LTBP1: variants seen among roughly 807,000 people sequenced by gnomAD.
The protein encoded by LTBP1 is latent-transforming growth factor beta-binding protein 1.
A neutral mutation model predicts 207.6 loss-of-function variants in LTBP1; 129 were observed. The ratio of observed to expected loss-of-function variants is 0.62; its 90% confidence interval spans 0.54 to 0.72. LTBP1 has a LOEUF of 0.72. Among genes scored for constraint, LTBP1 ranks in the 30% least tolerant of loss-of-function variants. LTBP1 has a pLI of 0.00. For synonymous variants in LTBP1, 963 were observed against 833.7 expected, an observed-to-expected ratio of 1.16 and a Z score of -2.67; for missense variants, 2,281 against 2,217.2, an observed-to-expected ratio of 1.03 and a Z score of -0.58.
rs1277436498 is a variant in LTBP1 at position 32,947,030 on chromosome 2, C to G, written c.-295C>G. On this transcript the variant is annotated 5_prime_UTR_variant, in exon 1 of 34. Transcript: ENST00000404816. Reference sequence around the variant, plus strand: ...TGCGGCGCGCGCTGCAACCCCCGGCCGGACGCGCGGACCCTCACCTTGCGC... The same window carrying G: ...TGCGGCGCGCGCTGCAACCCCCGGCGGGACGCGCGGACCCTCACCTTGCGC... 8.3e-6 allele frequency: 2 copies of G among 242,272 alleles called. No individual in the cohort carries two copies. Among genetic ancestry groups the G allele is most frequent in the Non-Finnish European group, 1.6e-5 (2 of 126,896 alleles). 15.0% of individuals were successfully genotyped at this position (242,272 alleles called of 1,614,324 possible). A position where few individuals can be genotyped will look rare whatever the true frequency, so the allele number is the denominator to read the frequency against.
intron 5 of LTBP1, among the ~76,000 whole-genome samples, chr2:33,160,080 A>T (rs145607075): frequency 0.015 from 2,283 of 152,138 alleles, 22 homozygotes; most frequent in East Asian, 0.027. Flanking sequence ...GGTTTCACCG[A>T]GTTGGCCAGG....
At position 33,192,626 on chromosome 2, in the gene LTBP1, A is replaced by T. The variant is rs186659230; in HGVS notation, c.1701+3775A>T. 5.2e-3 allele frequency among the ~76,000 whole-genome samples: 793 copies of T among 152,152 alleles called. 6 individuals are homozygous for T. Among genetic ancestry groups the T allele is most frequent in the Middle Eastern group, 0.031 (9 of 294 alleles). On this transcript the variant is annotated intron_variant, in intron 7 of 33. Coordinates refer to ENST00000404816, the MANE Select transcript of LTBP1 (RefSeq NM_206943.4). ...CACCTTAATTAAATCTTGATTTTTTAAAAAAAAGCCAGATCTAAGAGATAT... is the reference window on the plus strand; with the variant it reads ...CACCTTAATTAAATCTTGATTTTTTTAAAAAAAGCCAGATCTAAGAGATAT...
intron 3 of LTBP1, among the ~76,000 whole-genome samples, chr2:33,034,490 T>TA (rs5830250): frequency 0.15 from 22,368 of 152,130 alleles, 1,723 homozygotes; most frequent in South Asian, 0.22. Flanking sequence ...GTTTGGATTT[T>TA]AAAATCTATA....
In LTBP1 at chr2:33,243,665, T is replaced by C; in HGVS notation, c.1880T>C (p.Ile627Thr). Residue 627 changes from isoleucine to threonine, a missense_variant, in exon 10 of 34, where the codon ATT becomes ACT. Coordinates refer to ENST00000404816, the MANE Select transcript of LTBP1 (RefSeq NM_206943.4). ...AAAGAATTGTGTTTTCCTGCAGATA[T>C]TAATGAATGTCAGCTACAAGGTGTA... ...KRVNNTFCQD[I>T]NECQLQGVCP... is the part of the protein sequence containing the mutation. 6.2e-7 allele frequency: 1 copy of C among 1,613,778 alleles called. No homozygotes were observed. The highest frequency in any genetic ancestry group is 8.5e-7 in the Non-Finnish European group (1 of 1,179,826).
intron 9 of LTBP1, among the ~76,000 whole-genome samples, chr2:33,231,718 T>C (rs1223359267): frequency 2.0e-5 from 3 of 152,066 alleles, no homozygotes; most frequent in Non-Finnish European, 4.4e-5. Flanking sequence ...TCTTGTAGCA[T>C]AGTGCTGGAT....
intron 19 of LTBP1, among the ~76,000 whole-genome samples, chr2:33,283,143 C>T (rs1398759044): frequency 6.6e-6 from 1 of 150,642 alleles, no homozygotes; most frequent in Non-Finnish European, 1.5e-5. Flanking sequence ...CTAGTGCTTA[C>T]GTCGTGCTTA....
intron 15 of LTBP1, among the ~76,000 whole-genome samples, chr2:33,270,149 G>A (rs997558028): frequency 6.6e-6 from 1 of 151,568 alleles, no homozygotes. Context: ...TCCTGACCTC[G>A]CCTCAAGTGA....
At chr2:33,161,222 T>C (rs1169555335) in intron 5 of LTBP1, among the ~76,000 whole-genome samples, 1 of 151,770 alleles carries the variant, frequency 6.6e-6, no homozygotes, top group Non-Finnish European at 1.5e-5. Flanking sequence ...TTAGTATCTT[T>C]CCCTTACGTA....
intron 2 of LTBP1, among the ~76,000 whole-genome samples, chr2:32,992,922 G>A (rs1027091796): frequency 1.3e-5 from 2 of 151,982 alleles, no homozygotes; most frequent in African/African-American, 2.4e-5. Context: ...AGCTGGAGTC[G>A]GCAGAACTGG....
rs954261158 is a variant in LTBP1 at position 33,011,827 on chromosome 2, C to T, written c.566-9082C>T. On this transcript the variant is annotated intron_variant, in intron 2 of 33. Transcript: ENST00000404816. ...TATAATTTATCCTCCCAAACCTGAT[C>T]GCTTATGAAACATAAATCCTGAATC... 2.6e-5 allele frequency among the ~76,000 whole-genome samples: 4 copies of T among 152,044 alleles called. 1 individual carries two copies. The highest frequency in any genetic ancestry group is 4.2e-4 in the South Asian group (2 of 4,808).
intron 5 of LTBP1, among the ~76,000 whole-genome samples, chr2:33,161,230 G>T (rs889991495): frequency 6.7e-6 from 1 of 149,618 alleles, no homozygotes; most frequent in Non-Finnish European, 1.5e-5. Flanking sequence ...TTTCCCTTAC[G>T]TAGAGGTTAA....
intron 24 of LTBP1, among the ~76,000 whole-genome samples, chr2:33,337,334 C>T (rs1204415122): frequency 1.3e-5 from 2 of 152,250 alleles, no homozygotes; most frequent in Admixed American, 6.5e-5. Context: ...CCCTCAAAAG[C>T]GTGGATCTAT....
Position 33,159,049 on chromosome 2 carries a change from T to C in LTBP1, c.1201+24089T>C, listed in dbSNP as rs112722654. Among the ~76,000 whole-genome samples, 10 of 152,228 alleles carry C rather than the reference T, an allele frequency of 6.6e-5. 2 individuals carry two copies. Among genetic ancestry groups the C allele is most frequent in the African/African-American group, 2.4e-4 (10 of 41,546 alleles). On this transcript the variant is annotated intron_variant, in intron 5 of 33. Coordinates refer to ENST00000404816, the MANE Select transcript of LTBP1 (RefSeq NM_206943.4). Reference sequence around the variant, plus strand: ...TGTCTCATGGCCAGGCAGGATGCAATGACATGGGAATGCAGGGGGCCTAGG... The same window carrying C: ...TGTCTCATGGCCAGGCAGGATGCAACGACATGGGAATGCAGGGGGCCTAGG...
intron 2 of LTBP1, among the ~76,000 whole-genome samples, chr2:32,977,363 G>T (rs1681966095): frequency 6.6e-6 from 1 of 152,238 alleles, no homozygotes; most frequent in Admixed American, 6.5e-5. Context: ...AGTACAGCAG[G>T]AGGCTGTGGC....
chr2:32,972,923 G>A (rs1175947940), intron 2 of LTBP1, among the ~76,000 whole-genome samples: 1 of 152,162 alleles, frequency 6.6e-6, no homozygotes, highest in Admixed American at 6.5e-5. Flanking sequence ...TTATAGTGGA[G>A]TGAGAACAGA....
At chr2:32,955,367 T>C (rs1027824000) in intron 2 of LTBP1, among the ~76,000 whole-genome samples, 5 of 152,224 alleles carry the variant, frequency 3.3e-5, no homozygotes, top group Admixed American at 6.5e-5. Context: ...AGTATATATG[T>C]GTATTTTTGG....
chr2:33,297,252 C>G (rs17038525), intron 20 of LTBP1, among the ~76,000 whole-genome samples: 5,639 of 152,146 alleles, frequency 0.037, 358 homozygotes, highest in African/African-American at 0.13. Flanking sequence ...GATGCATTAC[C>G]TCATTCTTCC....
chr2:32,976,333 A>T (rs926299546), intron 2 of LTBP1, among the ~76,000 whole-genome samples: 1 of 152,034 alleles, frequency 6.6e-6, no homozygotes, highest in Admixed American at 6.6e-5. Context: ...TGGCAGTGGG[A>T]TCCATGCTGG....
chr2:33,303,852 A>G (rs563112019), intron 22 of LTBP1, among the ~76,000 whole-genome samples: 60 of 152,262 alleles, frequency 3.9e-4, no homozygotes, highest in African/African-American at 1.4e-3. Context: ...GTACCGGTCC[A>G]TGGCCCAGGG....
Sources: allele counts gnomAD v4.1 joint callset (sites outside exome capture counted in the v4.1 genomes callset), GRCh38; gene constraint gnomAD v4.1.1; transcripts MANE v1.5; gene names NCBI Gene and HGNC (gene_info 2026-07-23, HGNC 2026-07-21).